The following GNG12 variants were observed in gnomAD, a reference collection of about 807,000 sequenced individuals.
GNG12 encodes the protein G protein subunit gamma 12, also known as guanine nucleotide-binding protein G(I)/G(S)/G(O) subunit gamma-12.
For synonymous variants in GNG12, 28 were observed against 29.7 expected, an observed-to-expected ratio of 0.94 and a Z score of 0.19; for missense variants, 69 against 83.8, an observed-to-expected ratio of 0.82 and a Z score of 0.69.
At chr1:67,747,005 G>C (rs1239217754) in intron 2 of GNG12, among the ~76,000 whole-genome samples, 1 of 152,116 alleles carries the variant, frequency 6.6e-6, no homozygotes, top group African/African-American at 2.4e-5. Context: ...AGAAAAACTG[G>C]TGAGTTTCAA....
At chr1:67,707,985 C>G (rs1646260197) in intron 2 of GNG12, among the ~76,000 whole-genome samples, 1 of 152,188 alleles carries the variant, frequency 6.6e-6, no homozygotes, top group African/African-American at 2.4e-5. Flanking sequence ...CAAAACTAGA[C>G]TTTTCTAGGA....
intron 2 of GNG12, among the ~76,000 whole-genome samples, chr1:67,767,916 CA>C (rs1174844974): frequency 6.6e-6 from 1 of 152,162 alleles, no homozygotes; most frequent in Non-Finnish European, 1.5e-5. Flanking sequence ...ATCCATTTAT[CA>C]CAAAAAACAG....
chr1:67,810,862 T>C (rs978908570), intron 1 of GNG12, among the ~76,000 whole-genome samples: 1 of 152,216 alleles, frequency 6.6e-6, no homozygotes, highest in African/African-American at 2.4e-5. Flanking sequence ...TCTTTGTACA[T>C]GGGGACGGAA....
At position 67,704,572 on chromosome 1, in the gene GNG12, C is replaced by A. The variant is rs9549; in HGVS notation, c.*879G>T. The A allele has an allele frequency of 0.43, 65,659 of 152,444 alleles. 15,899 individuals carry two copies. The highest frequency in any genetic ancestry group is 0.56 in the South Asian group (2,680 of 4,804). 9.4% of individuals were successfully genotyped at this position (152,444 alleles called of 1,614,324 possible). On this transcript the variant is annotated 3_prime_UTR_variant, in exon 4 of 4. Coordinates refer to ENST00000370982, the MANE Select transcript of GNG12 (RefSeq NM_018841.6). ...CATCAGGGTGGAGATTTCAGAGGTG[C>A]CTATCCCTAATCCAGTAGAGAACAT...
chr1:67,804,709 C>G (rs1294675674), intron 1 of GNG12, among the ~76,000 whole-genome samples: 2 of 151,834 alleles, frequency 1.3e-5, no homozygotes, highest in Non-Finnish European at 2.9e-5. Context: ...GAATAGAAAC[C>G]TTCAAGCAGA....
intron 2 of GNG12, among the ~76,000 whole-genome samples, chr1:67,767,673 T>G (rs762714739): frequency 1.3e-5 from 2 of 152,216 alleles, no homozygotes; most frequent in Non-Finnish European, 2.9e-5. Context: ...ATATTTTCAG[T>G]CCTTGTAAAA....
At chr1:67,777,923 A>T (rs1249941298) in intron 1 of GNG12, among the ~76,000 whole-genome samples, 2 of 152,104 alleles carry the variant, frequency 1.3e-5, no homozygotes, top group Admixed American at 1.3e-4. Context: ...AGTGTATAAG[A>T]CTTTCTAACA....
intron 1 of GNG12, among the ~76,000 whole-genome samples, chr1:67,809,122 C>G (rs575657274): frequency 1.3e-5 from 2 of 152,112 alleles, no homozygotes; most frequent in Non-Finnish European, 2.9e-5. Flanking sequence ...ATCCTAGAAA[C>G]AGACCCACAT....
In GNG12 at chr1:67,794,758, C is replaced by G. The variant is rs945034861; in HGVS notation, c.-76-17251G>C. ...GAGAAAATTTTTGTTTAGCAAACTT[C>G]AAGCTTATAGGGCAAGTATGACTTG... On this transcript the variant is annotated intron_variant, in intron 1 of 3. Coordinates refer to ENST00000370982, the MANE Select transcript of GNG12 (RefSeq NM_018841.6). 2.6e-5 allele frequency among the ~76,000 whole-genome samples: 4 copies of G among 152,242 alleles called. No individual in the cohort carries two copies. In the East Asian group the frequency reaches 7.7e-4, roughly 29 times the overall value.
intron 2 of GNG12, among the ~76,000 whole-genome samples, chr1:67,739,244 C>T (rs1242875393): frequency 1.3e-5 from 2 of 152,102 alleles, no homozygotes; most frequent in Non-Finnish European, 2.9e-5. Flanking sequence ...TCTCTGGATC[C>T]CACCCTGTAT....
chr1:67,826,773 G>A (rs1647013340), intron 1 of GNG12, among the ~76,000 whole-genome samples: 1 of 152,076 alleles, frequency 6.6e-6, no homozygotes, highest in Admixed American at 6.6e-5. Context: ...GCTCATGTTG[G>A]GATTTAATGG....
At chr1:67,720,143 C>G (rs981360872) in intron 2 of GNG12, among the ~76,000 whole-genome samples, 1 of 152,208 alleles carries the variant, frequency 6.6e-6, no homozygotes, top group African/African-American at 2.4e-5. Flanking sequence ...TCTGATGTTT[C>G]CATGCATTTG....
intron 2 of GNG12, among the ~76,000 whole-genome samples, chr1:67,752,664 A>G (rs774219102): frequency 4.6e-5 from 7 of 152,346 alleles, no homozygotes; most frequent in Middle Eastern, 3.4e-3. Flanking sequence ...CCCCAATCAC[A>G]TAAGTTGGAA....
chr1:67,815,897 A>G (rs1206085091), intron 1 of GNG12, among the ~76,000 whole-genome samples: 3 of 152,170 alleles, frequency 2.0e-5, no homozygotes, highest in Non-Finnish European at 4.4e-5. Flanking sequence ...TCCGGCAGCA[A>G]GAAGGCTGCT....
intron 1 of GNG12, among the ~76,000 whole-genome samples, chr1:67,784,258 T>C (rs1025971517): frequency 1.8e-4 from 25 of 142,014 alleles, no homozygotes; most frequent in East Asian, 4.2e-4. Flanking sequence ...TAGGTGGGAA[T>C]TGAACAATGA....
chr1:67,787,303 G>A (rs114549400), intron 1 of GNG12, among the ~76,000 whole-genome samples: 30 of 152,192 alleles, frequency 2.0e-4, no homozygotes, highest in African/African-American at 7.2e-4. Context: ...GGAGGTACAA[G>A]TAAGGTAGAG....
At chr1:67,719,191 C>T (rs979811575) in intron 2 of GNG12, among the ~76,000 whole-genome samples, 8 of 152,238 alleles carry the variant, frequency 5.3e-5, no homozygotes, top group East Asian at 1.9e-4. Context: ...GTCTCACCTG[C>T]GAGCCTCCAC....
chr1:67,716,977 T>C (rs1197117434), intron 2 of GNG12, among the ~76,000 whole-genome samples: 1 of 151,752 alleles, frequency 6.6e-6, no homozygotes, highest in African/African-American at 2.4e-5. Context: ...CAGAGGAGAG[T>C]GAGCTGCAGA....
intron 2 of GNG12, among the ~76,000 whole-genome samples, chr1:67,716,498 T>C (rs1438372242): frequency 6.6e-6 from 1 of 152,340 alleles, no homozygotes; most frequent in Admixed American, 6.5e-5. Flanking sequence ...CTCTAAGAGA[T>C]GAATCCTATT....
Sources: allele counts gnomAD v4.1 joint callset (sites outside exome capture counted in the v4.1 genomes callset), GRCh38; gene constraint gnomAD v4.1.1; transcripts MANE v1.5; gene names NCBI Gene and HGNC (gene_info 2026-07-23, HGNC 2026-07-21).